The following TEC variants were observed in gnomAD, a reference collection of about 807,000 sequenced individuals.
TEC encodes the protein tec protein tyrosine kinase, also known as tyrosine-protein kinase Tec.
Under a neutral mutation model 93.0 loss-of-function variants are expected in TEC, and 72 were observed. The ratio of observed to expected loss-of-function variants is 0.77; its 90% CI spans 0.64 to 0.94. The LOEUF is 0.94. Among genes scored for constraint, TEC ranks in the 40% least tolerant of loss-of-function variants. The pLI, the probability that TEC is intolerant of heterozygous loss-of-function variation, is 0.00. For synonymous variants in TEC, 249 were observed against 247.7 expected (o/e 1.01, Z -0.05); for missense variants, 630 against 757.9 (o/e 0.83, Z 1.98).
chr4:48,137,484 G>C lies in TEC; in HGVS notation c.1828C>G (p.Pro610Ala), dbSNP rs748536244. The C allele has an allele frequency of 2.5e-6, 4 of 1,613,998 alleles. No homozygotes were observed. Among genetic ancestry groups the C allele is most frequent in the East Asian group, 2.2e-5 (1 of 44,878 alleles). ...GTGCGCAGCAGATCTTCGAAAGAAG[G>C]CCTTCCCTCTGGTTTCTACAATTAA... The part of the protein sequence containing the change: ...RCWQEKPEGR[P>A]SFEDLLRTID... The change falls in exon 18 of 18, where the codon CCT (proline) becomes GCT (alanine). Residue 610 changes from proline (P) to alanine (A), a missense_variant. This residue lies in a region of TEC where 289 missense variants were observed against 390.0 expected (regional missense o/e 0.74). Transcript: ENST00000381501.
At chr4:48,174,999 CA>C (rs1721267196) in intron 3 of TEC, among the ~76,000 whole-genome samples, 1 of 152,188 alleles carries the variant, frequency 6.6e-6, no homozygotes, top group Non-Finnish European at 1.5e-5. Flanking sequence ...AAGTGACTTA[CA>C]CAAGCTCACA....
intron 2 of TEC, among the ~76,000 whole-genome samples, chr4:48,181,436 A>G (rs1721578397): frequency 6.6e-6 from 1 of 152,044 alleles, no homozygotes; most frequent in Admixed American, 6.5e-5. Flanking sequence ...GCACTTTGAG[A>G]GGCCAAGGAG....
intron 2 of TEC, among the ~76,000 whole-genome samples, chr4:48,207,611 G>A (rs1206025195): frequency 9.4e-6 from 1 of 106,504 alleles, no homozygotes. Context: ...GCAAGACCAT[G>A]TCTCTACAAA....
intron 2 of TEC, among the ~76,000 whole-genome samples, chr4:48,225,174 CT>C (rs1175603504): frequency 6.6e-6 from 1 of 151,710 alleles, no homozygotes; most frequent in East Asian, 1.9e-4. Context: ...TTTTCTCTTT[CT>C]TTTTTTCTTT....
intron 5 of TEC, among the ~76,000 whole-genome samples, chr4:48,168,923 G>A (rs570188842): frequency 2.6e-5 from 4 of 152,282 alleles, no homozygotes; most frequent in Admixed American, 2.6e-4. Context: ...AATGCTCATG[G>A]AATCAAACAT....
At chr4:48,168,512 C>A in intron 6 of TEC, 74 bp downstream of exon 6, 1 of 1,516,592 alleles carries the variant, frequency 6.6e-7, no homozygotes, top group East Asian at 2.3e-5. Context: ...CAGTAAGTCA[C>A]AAACACTACC....
chr4:48,257,452 T>C (rs1724373541), intron 1 of TEC, among the ~76,000 whole-genome samples: 1 of 104,040 alleles, frequency 9.6e-6, no homozygotes, highest in African/African-American at 3.5e-5. Context: ...AGGGAAAATA[T>C]GACAAAGAGA....
intron 2 of TEC, among the ~76,000 whole-genome samples, chr4:48,220,585 G>C (rs1270331484): frequency 6.6e-6 from 1 of 152,158 alleles, no homozygotes; most frequent in African/African-American, 2.4e-5. Flanking sequence ...ATCAGAAGCA[G>C]ATGCTGGCAC....
rs763388390 is a variant in TEC, at chr4:48,176,110, A to G, written c.215T>C (p.Ile72Thr). 5.0e-6 allele frequency: 8 copies of G among 1,613,820 alleles called. No individual in the cohort carries two copies. In the East Asian group the frequency reaches 6.7e-5, roughly 13 times the overall value. ...VEIVKNDDGV[I>T]PCQNKYPFQV... ...AAATGGATACTTATTTTGACAGGGA[A>G]TGACACCATCATCATTCTTCACTAT... is the stretch of plus-strand genomic sequence containing the variant. Residue 72 changes from isoleucine (I) to threonine (T), a missense_variant, in exon 3 of 18, where the codon ATT becomes ACT. Coordinates refer to ENST00000381501, the MANE Select transcript of TEC (RefSeq NM_003215.3).
At chr4:48,149,429 T>C in intron 11 of TEC, 128 bp downstream of exon 11, 1 of 937,574 alleles carries the variant, frequency 1.1e-6, no homozygotes, top group Non-Finnish European at 1.5e-6. Flanking sequence ...TAATATGCAG[T>C]AATTTAAAAT....
chr4:48,203,526 G>A (rs1722602106), intron 2 of TEC, among the ~76,000 whole-genome samples: 1 of 152,144 alleles, frequency 6.6e-6, no homozygotes. Flanking sequence ...AGCAAAGGAA[G>A]GTGTAACCCC....
At chr4:48,187,386 T>A (rs184185565) in intron 2 of TEC, among the ~76,000 whole-genome samples, 91 of 147,916 alleles carry the variant, frequency 6.2e-4, no homozygotes, top group African/African-American at 2.2e-3. Context: ...CCTATTACCC[T>A]GCCAAATCCC....
chr4:48,246,203 G>A (rs1286519859), intron 1 of TEC, among the ~76,000 whole-genome samples: 3 of 151,874 alleles, frequency 2.0e-5, no homozygotes, highest in African/African-American at 7.3e-5. Flanking sequence ...AAAAATGCAG[G>A]AACAAAATTT....
At chr4:48,261,143 C>T (rs1255996148) in intron 1 of TEC, among the ~76,000 whole-genome samples, 1 of 152,122 alleles carries the variant, frequency 6.6e-6, no homozygotes, top group Non-Finnish European at 1.5e-5. Context: ...GACTCCAGAA[C>T]TTATGAACAA....
intron 10 of TEC, 89 bp downstream of exon 10, chr4:48,150,774 T>C (rs1720123737): frequency 1.1e-6 from 1 of 935,484 alleles, no homozygotes; most frequent in Admixed American, 2.8e-5. Context: ...ATGCTGCATA[T>C]TTTTATGAAA....
At chr4:48,208,863 T>C (rs1722802108) in intron 2 of TEC, among the ~76,000 whole-genome samples, 1 of 152,208 alleles carries the variant, frequency 6.6e-6, no homozygotes, top group Non-Finnish European at 1.5e-5. Context: ...TTTTGTCAAA[T>C]GAACAGATTC....
intron 3 of TEC, among the ~76,000 whole-genome samples, chr4:48,173,830 A>C (rs528460321): frequency 6.6e-6 from 1 of 152,180 alleles, no homozygotes; most frequent in Non-Finnish European, 1.5e-5. Context: ...CTGCCATCAG[A>C]ATGACTCATC....
chr4:48,179,365 TATATATA>T (rs1207149553), intron 2 of TEC, among the ~76,000 whole-genome samples: 84 of 40,282 alleles, frequency 2.1e-3, no homozygotes, highest in Non-Finnish European at 3.4e-3. Context: ...TATATATATA[TATATATA>T]TATATTTTTT....
chr4:48,180,800 G>A (rs1303346128), intron 2 of TEC, among the ~76,000 whole-genome samples: 1 of 152,138 alleles, frequency 6.6e-6, no homozygotes, highest in Non-Finnish European at 1.5e-5. Flanking sequence ...TTTACATGGA[G>A]AATCAGGAGT....
Sources: allele counts gnomAD v4.1 joint callset (sites outside exome capture counted in the v4.1 genomes callset), GRCh38; gene constraint gnomAD v4.1.1; regional missense constraint gnomAD v4.1.1; transcripts MANE v1.5; gene names NCBI Gene and HGNC (gene_info 2026-07-23, HGNC 2026-07-21).